HDX: variants seen among roughly 807,000 people sequenced by gnomAD.
HDX encodes highly divergent homeobox.
HDX carries 19 observed loss-of-function variants against 45.2 expected under a neutral mutation model. The observed-to-expected ratio is 0.42, with a 90% CI of 0.29 to 0.62. The LOEUF (loss-of-function observed/expected upper bound fraction) is 0.62, where lower values mean the gene tolerates loss of function less well. HDX is among the 20% of genes least tolerant of loss of function. The pLI, the probability that HDX is intolerant of heterozygous loss-of-function variation, is 0.20. For missense variants in HDX, 532 were observed against 493.9 expected (o/e 1.08, Z -0.73); for synonymous variants, 188 against 172.8 (o/e 1.09, Z -0.69).
At chrX:84,331,994 C>T (rs2036853073) in intron 9 of HDX, among the ~76,000 whole-genome samples, 1 of 111,221 alleles carries the variant, frequency 9.0e-6, no homozygotes, top group Non-Finnish European at 1.9e-5. Flanking sequence ...CTTAAGATAT[C>T]AACAATGTGG....
chrX:84,398,814 G>C (rs1195940264), intron 5 of HDX, among the ~76,000 whole-genome samples: 1 of 111,719 alleles, frequency 9.0e-6, no homozygotes, highest in Admixed American at 9.5e-5. Flanking sequence ...CACGTAATTG[G>C]AAGTAAAACA....
intron 2 of HDX, among the ~76,000 whole-genome samples, chrX:84,478,228 A>G (rs1385549950): frequency 8.9e-6 from 1 of 111,962 alleles, no homozygotes; most frequent in Non-Finnish European, 1.9e-5. Context: ...GGTTCCACTC[A>G]GGTTTAAGAT....
chrX:84,404,319 C>G (rs761412039), intron 5 of HDX, among the ~76,000 whole-genome samples: 5 of 111,001 alleles, frequency 4.5e-5, no homozygotes, highest in Non-Finnish European at 5.7e-5. Flanking sequence ...CATGCATTCC[C>G]CACTGTTTTC....
At chrX:84,465,096 G>T (rs756792992) in intron 4 of HDX, among the ~76,000 whole-genome samples, 1 of 112,450 alleles carries the variant, frequency 8.9e-6, no homozygotes, top group East Asian at 2.8e-4. Context: ...AGTCATTAGA[G>T]AAATGCAAAT....
chrX:84,457,177 A>G (rs1186347275), intron 4 of HDX, among the ~76,000 whole-genome samples: 5 of 111,674 alleles, frequency 4.5e-5, no homozygotes, highest in African/African-American at 1.6e-4. Flanking sequence ...TGACATAACT[A>G]TGCTTACAGA....
intron 2 of HDX, among the ~76,000 whole-genome samples, chrX:84,485,528 G>A (rs1257054201): frequency 9.0e-6 from 1 of 111,424 alleles, no homozygotes; most frequent in Non-Finnish European, 1.9e-5. Context: ...CTCCTGAGTA[G>A]CTGGGATTAT....
chrX:84,433,122 T>C (rs1386160833), intron 5 of HDX, among the ~76,000 whole-genome samples: 1 of 112,010 alleles, frequency 8.9e-6, no homozygotes, highest in Non-Finnish European at 1.9e-5. Flanking sequence ...ATTCTTTAGG[T>C]TGACCTTTAA....
intron 4 of HDX, among the ~76,000 whole-genome samples, chrX:84,442,644 T>C (rs1254300975): frequency 1.8e-5 from 2 of 110,927 alleles, no homozygotes; most frequent in Non-Finnish European, 3.8e-5. Flanking sequence ...CCCACCAATG[T>C]GTGTTAGGGT....
chrX:84,491,237 C>T (rs1484206097), intron 1 of HDX, among the ~76,000 whole-genome samples: 1 of 111,772 alleles, frequency 8.9e-6, no homozygotes, highest in Non-Finnish European at 1.9e-5. Context: ...ATTTTTCTCT[C>T]TACTTTTCAT....
intron 1 of HDX, among the ~76,000 whole-genome samples, chrX:84,491,588 G>T (rs747967508): frequency 9.0e-6 from 1 of 111,092 alleles, no homozygotes; most frequent in South Asian, 3.8e-4. Flanking sequence ...GTAATTCTTC[G>T]TTTAAAATCA....
rs1399218320 is a variant in HDX, at chrX:84,319,353, T to C, written c.*2536A>G. 1 of 111,346 alleles carries C rather than the reference T, an allele frequency of 9.0e-6. No individual in the cohort carries two copies. The highest frequency in any genetic ancestry group is 1.9e-5 in the Non-Finnish European group (1 of 52,556). The allele number at this position is 111,346 out of a possible 1,213,427, so 9.2% of individuals were successfully genotyped here. A position where few individuals can be genotyped will look rare whatever the true frequency, so the allele number is the denominator to read the frequency against. ...ACATATCTCAAAACCAACTCCTATCTACATATGTAAAAAATATACTTTCTT... is the reference window on the plus strand; with the variant it reads ...ACATATCTCAAAACCAACTCCTATCCACATATGTAAAAAATATACTTTCTT... On this transcript the variant is annotated 3_prime_UTR_variant, in exon 11 of 11. Transcript: ENST00000373177.
chrX:84,369,514 A>G (rs932336585), intron 5 of HDX, among the ~76,000 whole-genome samples: 3 of 112,318 alleles, frequency 2.7e-5, no homozygotes, highest in African/African-American at 9.7e-5. Context: ...CAGCAGATAT[A>G]CCATCTCACA....
At chrX:84,444,218 C>A (rs757937387) in intron 4 of HDX, among the ~76,000 whole-genome samples, 1 of 111,048 alleles carries the variant, frequency 9.0e-6, no homozygotes, top group African/African-American at 3.3e-5. Context: ...TCAACTAGAA[C>A]TAGAAAGGGG....
intron 5 of HDX, among the ~76,000 whole-genome samples, chrX:84,374,095 A>G (rs1202552564): frequency 1.8e-5 from 2 of 110,917 alleles, no homozygotes; most frequent in African/African-American, 3.3e-5. Context: ...AAAAATCACA[A>G]GCATTCTTAT....
At chrX:84,476,123 G>C (rs148918628) in intron 2 of HDX, among the ~76,000 whole-genome samples, 1 of 111,432 alleles carries the variant, frequency 9.0e-6, no homozygotes, top group African/African-American at 3.3e-5. Flanking sequence ...TTAAAAAAAT[G>C]CTTTATCTTT....
At chrX:84,425,543 T>A (rs2039365075) in intron 5 of HDX, among the ~76,000 whole-genome samples, 1 of 111,931 alleles carries the variant, frequency 8.9e-6, no homozygotes, top group African/African-American at 3.2e-5. Context: ...TTGCAATGGC[T>A]AAGATTTGGA....
At chrX:84,494,661 T>C (rs2040963574) in intron 1 of HDX, among the ~76,000 whole-genome samples, 1 of 111,977 alleles carries the variant, frequency 8.9e-6, no homozygotes, top group African/African-American at 3.2e-5. Context: ...AACACACATG[T>C]ATTTAGACAA....
rs758649698 is a variant in HDX, at chrX:84,484,536, G to C, written c.-1+3488C>G. Among the ~76,000 whole-genome samples the C allele has an allele frequency of 3.6e-5, 4 of 110,821 alleles. No individual in the cohort carries two copies. In the South Asian group the frequency reaches 1.5e-3, roughly 43 times the overall value. ...GATTCAATTACCTCCCACAGGTCCC[G>C]CCCACAACACATGGGGATTATGGGA... On this transcript the variant is annotated intron_variant, in intron 2 of 10. Coordinates refer to ENST00000373177, the MANE Select transcript of HDX (RefSeq NM_001177479.2).
chrX:84,472,291 T>C (rs988622608), intron 3 of HDX, among the ~76,000 whole-genome samples: 1 of 111,344 alleles, frequency 9.0e-6, no homozygotes, highest in Non-Finnish European at 1.9e-5. Context: ...ATTTATATAG[T>C]GTACCCATCA....
Sources: allele counts gnomAD v4.1 joint callset (sites outside exome capture counted in the v4.1 genomes callset), GRCh38; gene constraint gnomAD v4.1.1; transcripts MANE v1.5; gene names NCBI Gene and HGNC (gene_info 2026-07-23, HGNC 2026-07-21).